CFAP20DC: variants seen among roughly 807,000 people sequenced by gnomAD.
CFAP20DC encodes protein CFAP20DC.
CFAP20DC carries 84 observed loss-of-function variants against 101.7 expected under a neutral mutation model. That is an observed-to-expected ratio of 0.83 (90% CI 0.69 to 0.99). CFAP20DC has a LOEUF of 0.99. Ranked by LOEUF, CFAP20DC falls within the 50% of genes least tolerant of loss-of-function variation. CFAP20DC has a pLI of 0.00. For synonymous variants in CFAP20DC, 359 were observed against 351.2 expected (o/e 1.02, Z -0.25); for missense variants, 1,007 against 970.3 (o/e 1.04, Z -0.50).
intron 4 of CFAP20DC, among the ~76,000 whole-genome samples, chr3:58,939,705 G>T (rs1400107225): frequency 6.7e-6 from 1 of 149,880 alleles, no homozygotes; most frequent in Admixed American, 6.7e-5. Flanking sequence ...TGATCCGCCT[G>T]CCTCGCCCTC....
intron 4 of CFAP20DC, among the ~76,000 whole-genome samples, chr3:58,970,185 G>A (rs1345278060): frequency 1.3e-5 from 2 of 152,082 alleles, no homozygotes; most frequent in Non-Finnish European, 2.9e-5. Flanking sequence ...TGAAATGTTA[G>A]TCATTGTGGG....
intron 15 of CFAP20DC, among the ~76,000 whole-genome samples, chr3:58,800,177 A>C (rs1232536317): frequency 6.6e-6 from 1 of 152,202 alleles, no homozygotes; most frequent in Non-Finnish European, 1.5e-5. Flanking sequence ...CCTGCATCTG[A>C]TTGAGGCCTG....
chr3:58,913,850 G>A lies in CFAP20DC; in HGVS notation c.408C>T (p.Cys136=), dbSNP rs1306216753. ...MIKRKIWCNL[C]IDLVAFTSEI... ...CACTGGTGAATGCTACTAAGTCAAT[G>A]CATAGATTGCACCACTAAAATAGAG... is the stretch of plus-strand genomic sequence containing the variant. Residue 136 remains cysteine (C), a synonymous_variant, in exon 6 of 17, where the codon TGC becomes TGT. Transcript: ENST00000482387. This position sits in a 1 kb window ranked among gnomAD's most constrained non-coding sequence, Gnocchi z 4.4. The A allele has an allele frequency of 6.2e-7, 1 of 1,613,398 alleles. No homozygotes were observed.
chr3:59,040,457 G>C (rs1455448437), intron 3 of CFAP20DC, among the ~76,000 whole-genome samples: 2 of 151,896 alleles, frequency 1.3e-5, no homozygotes, highest in African/African-American at 2.4e-5. Flanking sequence ...TTTTTAGTAT[G>C]ACACTTCCTA....
intron 16 of CFAP20DC, among the ~76,000 whole-genome samples, chr3:58,752,814 TCTA>T (rs1207912260): frequency 2.0e-5 from 3 of 152,152 alleles, no homozygotes; most frequent in Non-Finnish European, 2.9e-5. Context: ...AATGCGATGC[TCTA>T]CTTTTTTCCC....
At chr3:58,990,737 A>G (rs2108612859) in intron 4 of CFAP20DC, among the ~76,000 whole-genome samples, 1 of 148,324 alleles carries the variant, frequency 6.7e-6, no homozygotes, top group Middle Eastern at 3.5e-3. Context: ...AGATTTTCAG[A>G]TTTAGGATGC....
intron 14 of CFAP20DC, among the ~76,000 whole-genome samples, chr3:58,808,472 T>G (rs900090174): frequency 3.3e-5 from 5 of 152,166 alleles, no homozygotes; most frequent in African/African-American, 1.2e-4. Flanking sequence ...CTAAGCTTCA[T>G]AAGTGAAGGA....
intron 4 of CFAP20DC, among the ~76,000 whole-genome samples, chr3:59,027,392 A>G (rs1017928148): frequency 5.3e-5 from 8 of 152,196 alleles, no homozygotes; most frequent in African/African-American, 1.9e-4. Flanking sequence ...AATATTCTCC[A>G]TGACCCAAGG....
chr3:58,953,487 T>C (rs1347744431), intron 4 of CFAP20DC: 1 of 152,192 alleles, frequency 6.6e-6, no homozygotes. Context: ...AAGCCATCCA[T>C]ATGGTGATGA....
chr3:58,973,870 AG>A (rs2092106125), intron 4 of CFAP20DC, among the ~76,000 whole-genome samples: 3 of 152,272 alleles, frequency 2.0e-5, no homozygotes, highest in East Asian at 3.9e-4. Flanking sequence ...GGTCATCAGT[AG>A]GAAGTCCAAA....
intron 7 of CFAP20DC, among the ~76,000 whole-genome samples, chr3:58,876,575 A>G (rs2080770997): frequency 6.6e-6 from 1 of 151,926 alleles, no homozygotes; most frequent in South Asian, 2.1e-4. Flanking sequence ...AGATGTTACC[A>G]CTAATTATTT....
intron 5 of CFAP20DC, among the ~76,000 whole-genome samples, chr3:58,931,460 G>C (rs1166046663): frequency 1.3e-5 from 2 of 152,230 alleles, no homozygotes; most frequent in African/African-American, 2.4e-5. Flanking sequence ...AGAACGGGCA[G>C]ACTGCCTCCT....
At chr3:58,851,544 A>C (rs1575928441) in intron 12 of CFAP20DC, among the ~76,000 whole-genome samples, 1 of 152,194 alleles carries the variant, frequency 6.6e-6, no homozygotes, top group Admixed American at 6.5e-5. Context: ...CTCTCAAGAA[A>C]GGTCCAAAGT....
At chr3:59,018,193 G>T (rs143145154) in intron 4 of CFAP20DC, 1 of 152,188 alleles carries the variant, frequency 6.6e-6, no homozygotes, top group African/African-American at 2.4e-5. Flanking sequence ...ATGCTAGGTA[G>T]ACAACTAATA....
At chr3:59,040,087 A>G (rs1186170238) in intron 3 of CFAP20DC, among the ~76,000 whole-genome samples, 2 of 152,046 alleles carry the variant, frequency 1.3e-5, no homozygotes, top group Admixed American at 1.3e-4. Context: ...AATTCTAATT[A>G]TGACAACTAC....
At chr3:58,955,385 C>T (rs180850194) in intron 4 of CFAP20DC, among the ~76,000 whole-genome samples, 173 of 152,254 alleles carry the variant, frequency 1.1e-3, no homozygotes, top group Non-Finnish European at 9.7e-4. Flanking sequence ...ACGGTGCAGA[C>T]AGTATTTCTG....
At chr3:58,823,163 A>C (rs181325400) in intron 14 of CFAP20DC, among the ~76,000 whole-genome samples, 92 of 152,248 alleles carry the variant, frequency 6.0e-4, no homozygotes, top group East Asian at 4.6e-3. Flanking sequence ...ACTTACATGA[A>C]ATAAATTTGT....
intron 3 of CFAP20DC, among the ~76,000 whole-genome samples, chr3:58,718,220 T>C (rs142953079): frequency 1.3e-5 from 2 of 152,302 alleles, no homozygotes; most frequent in East Asian, 3.9e-4. Context: ...GCAAGGAAAA[T>C]GCCACTTCTT....
intron 3 of CFAP20DC, among the ~76,000 whole-genome samples, chr3:58,719,452 GTGAA>G (rs2067440111): frequency 1.3e-5 from 2 of 152,232 alleles, no homozygotes; most frequent in African/African-American, 4.8e-5. Flanking sequence ...TAGCATGTAT[GTGAA>G]TGAATGAATA....
Sources: gnomAD v4.1 joint callset for allele counts (sites outside exome capture counted in the v4.1 genomes callset) on GRCh38, gnomAD v4.1.1 for gene constraint, Gnocchi (gnomAD v3.1) non-coding constraint, MANE v1.5 for transcripts, NCBI Gene and HGNC (gene_info 2026-07-23, HGNC 2026-07-21) for gene names.